DENND5B: variants seen among roughly 807,000 people sequenced by gnomAD.
DENND5B encodes DENN domain containing 5B.
In DENND5B, 34 loss-of-function variants were observed where a neutral mutation model predicts 140.6. The observed-to-expected ratio is 0.24, with a 90% confidence interval of 0.18 to 0.32. The LOEUF (loss-of-function observed/expected upper bound fraction) is 0.32, where lower values mean the gene tolerates loss of function less well. Ranked by LOEUF, DENND5B falls within the 10% of genes least tolerant of loss-of-function variation. The pLI is 1.00. For missense variants in DENND5B, 1,142 were observed against 1,560.2 expected, an observed-to-expected ratio of 0.73 and a Z score of 4.52; for synonymous variants, 551 against 562.1, an observed-to-expected ratio of 0.98 and a Z score of 0.28.
At chr12:31,478,625 C>T (rs866337133) in intron 3 of DENND5B, among the ~76,000 whole-genome samples, 1 of 151,944 alleles carries the variant, frequency 6.6e-6, no homozygotes, top group East Asian at 1.9e-4. Flanking sequence ...AGCTTGAGCA[C>T]GGGATGTCAA....
chr12:31,480,161 C>T lies in DENND5B; in HGVS notation c.332G>A (p.Arg111His). The T allele has an allele frequency of 3.7e-6, 6 of 1,605,710 alleles. No homozygotes were observed. The highest frequency in any genetic ancestry group is 1.3e-5 in the African/African-American group (1 of 74,822). Residue 111 changes from arginine (R) to histidine (H), a missense_variant, in exon 3 of 21, where the codon CGC becomes CAC. Arg to His is a conservative substitution (Grantham distance 29). Transcript: ENST00000389082. Reference sequence around the variant, plus strand: ...AAAAGTGAGAACAAAACCATAGGTGCGAGAACCATCTTCCCTGGTAATTAT... The same window carrying T: ...AAAAGTGAGAACAAAACCATAGGTGTGAGAACCATCTTCCCTGGTAATTAT... ...SFIITREDGS[R>H]TYGFVLTFYE...
At position 31,531,403 on chromosome 12, in the gene DENND5B, T is replaced by C. The variant is rs535704494; in HGVS notation, c.128-35484A>G. On this transcript the variant is annotated intron_variant, in intron 1 of 20. Transcript: ENST00000389082. ...TCAGTAGAGACAGTGTTTCGCCATGTTGGCCAGGCTGGTCTCGAACTCCTG... is the reference window on the plus strand; with the variant it reads ...TCAGTAGAGACAGTGTTTCGCCATGCTGGCCAGGCTGGTCTCGAACTCCTG... Among the ~76,000 whole-genome samples the C allele has an allele frequency of 2.0e-5, 3 of 152,378 alleles. No homozygotes were observed. In the East Asian group the frequency reaches 5.8e-4, roughly 29 times the overall value.
At chr12:31,566,470 C>T (rs558490401) in intron 1 of DENND5B, among the ~76,000 whole-genome samples, 38 of 151,668 alleles carry the variant, frequency 2.5e-4, no homozygotes, top group Middle Eastern at 3.4e-3. Context: ...GCATATTCTA[C>T]GATAAAACAT....
chr12:31,413,815 T>C (rs1942589228), intron 12 of DENND5B, among the ~76,000 whole-genome samples: 1 of 152,360 alleles, frequency 6.6e-6, no homozygotes, highest in African/African-American at 2.4e-5. Context: ...ACTTATTCAC[T>C]CTTTCAGGCT....
chr12:31,459,372 C>T (rs1162212413), intron 4 of DENND5B, among the ~76,000 whole-genome samples: 1 of 152,142 alleles, frequency 6.6e-6, no homozygotes, highest in East Asian at 1.9e-4. Flanking sequence ...TTACTGAAAC[C>T]TATACCTCTA....
At chr12:31,435,354 T>C (rs1055263470) in intron 7 of DENND5B, among the ~76,000 whole-genome samples, 1 of 152,160 alleles carries the variant, frequency 6.6e-6, no homozygotes, top group African/African-American at 2.4e-5. Flanking sequence ...ATAAAATACA[T>C]TAGCCAAGGC....
intron 2 of DENND5B, among the ~76,000 whole-genome samples, chr12:31,483,678 T>C (rs1946169297): frequency 6.6e-6 from 1 of 151,440 alleles, no homozygotes; most frequent in Non-Finnish European, 1.5e-5. Flanking sequence ...GACCTCATGA[T>C]CCGCCTGCTT....
Position 31,569,633 on chromosome 12 carries a change from C to T in DENND5B, c.127+21073G>A, listed in dbSNP as rs1159967842. 2.6e-5 allele frequency among the ~76,000 whole-genome samples: 4 copies of T among 151,812 alleles called. No homozygotes were observed. The East Asian group carries it at 7.8e-4, about 30-fold the overall frequency. On this transcript the variant is annotated intron_variant, in intron 1 of 20. Coordinates refer to ENST00000389082, the MANE Select transcript of DENND5B (RefSeq NM_144973.4). ...AGACCAGCCTGGCCAATGTGGTGAA[C>T]CCTGTCTCTATTAAAAACACACAAA... is the stretch of plus-strand genomic sequence containing the variant.
intron 1 of DENND5B, among the ~76,000 whole-genome samples, chr12:31,550,680 A>T (rs1419719368): frequency 1.3e-5 from 2 of 152,170 alleles, no homozygotes; most frequent in Non-Finnish European, 2.9e-5. Context: ...CAGTCCCAAG[A>T]ACAGTGTAAA....
chr12:31,571,226 G>A (rs369422312), intron 1 of DENND5B, among the ~76,000 whole-genome samples: 2 of 152,140 alleles, frequency 1.3e-5, no homozygotes, highest in African/African-American at 2.4e-5. Flanking sequence ...TTCTTATACC[G>A]TCTAAACATA....
intron 1 of DENND5B, among the ~76,000 whole-genome samples, chr12:31,531,367 G>C (rs1948273811): frequency 1.3e-5 from 2 of 151,988 alleles, no homozygotes; most frequent in African/African-American, 2.4e-5. Context: ...GTCCCGCTAA[G>C]TTTCGTACTT....
intron 1 of DENND5B, among the ~76,000 whole-genome samples, chr12:31,539,554 G>T (rs1948616897): frequency 6.6e-6 from 1 of 152,090 alleles, no homozygotes; most frequent in Non-Finnish European, 1.5e-5. Context: ...TTATCCCAGG[G>T]ATGCAAGGAT....
chr12:31,482,952 GC>G, intron 2 of DENND5B, among the ~76,000 whole-genome samples: 1 of 152,276 alleles, frequency 6.6e-6, no homozygotes, highest in South Asian at 2.1e-4. Context: ...GCATGACTCA[GC>G]CCCCAACAAC....
At chr12:31,558,432 A>G (rs1949368174) in intron 1 of DENND5B, among the ~76,000 whole-genome samples, 1 of 152,326 alleles carries the variant, frequency 6.6e-6, no homozygotes, top group Admixed American at 6.5e-5. Flanking sequence ...TTTGATCTAC[A>G]GAAACATGTA....
At chr12:31,561,747 T>G (rs1334443190) in intron 1 of DENND5B, among the ~76,000 whole-genome samples, 6 of 152,338 alleles carry the variant, frequency 3.9e-5, no homozygotes, top group African/African-American at 1.4e-4. Context: ...CTACTATTTG[T>G]CAGGCCTGTG....
intron 3 of DENND5B, among the ~76,000 whole-genome samples, chr12:31,470,590 T>C (rs889491971): frequency 2.0e-4 from 30 of 152,142 alleles, no homozygotes; most frequent in African/African-American, 7.2e-4. Flanking sequence ...TCAGGTATTT[T>C]ACAGTAACAC....
chr12:31,475,928 A>G (rs1845520540), intron 3 of DENND5B, among the ~76,000 whole-genome samples: 1 of 152,128 alleles, frequency 6.6e-6, no homozygotes, highest in South Asian at 2.1e-4. Context: ...GTTCGAGACC[A>G]GCCTAGCCAG....
intron 1 of DENND5B, among the ~76,000 whole-genome samples, chr12:31,523,345 G>A (rs552066821): frequency 1.3e-5 from 2 of 152,216 alleles, no homozygotes; most frequent in Admixed American, 6.5e-5. Flanking sequence ...TTACAGGTGT[G>A]AGCCACCACA....
At chr12:31,557,280 T>G (rs1259403) in intron 1 of DENND5B, among the ~76,000 whole-genome samples, 11,876 of 152,220 alleles carry the variant, frequency 0.078, 1,062 homozygotes, top group African/African-American at 0.22. Context: ...AACAGTTGAG[T>G]TGCTGTTCAT....
Sources: gnomAD v4.1 joint callset for allele counts (sites outside exome capture counted in the v4.1 genomes callset) on GRCh38, gnomAD v4.1.1 for gene constraint, MANE v1.5 for transcripts, NCBI Gene and HGNC (gene_info 2026-07-23, HGNC 2026-07-21) for gene names.